The following KIF16B variants were observed in gnomAD, a reference collection of about 807,000 sequenced individuals.
KIF16B encodes the protein kinesin-like protein KIF16B.
A neutral mutation model predicts 156.3 loss-of-function variants in KIF16B; 98 were observed. That is an observed-to-expected ratio of 0.63 (90% confidence interval 0.53 to 0.74). The LOEUF is 0.74. KIF16B is among the 30% of genes least tolerant of loss of function. KIF16B has a pLI of 0.00. For missense variants in KIF16B, 1,421 were observed against 1,606.5 expected (o/e 0.88, Z 1.97); for synonymous variants, 564 against 583.7 (o/e 0.97, Z 0.49).
chr20:16,424,087 C>A (rs559700187), intron 15 of KIF16B, among the ~76,000 whole-genome samples: 30 of 152,214 alleles, frequency 2.0e-4, no homozygotes, highest in Non-Finnish European at 3.2e-4. Flanking sequence ...CCTTGTCCCA[C>A]TGCAAAAAAG....
At chr20:16,573,193 G>C in intron 1 of KIF16B, 36 bp downstream of exon 1, 2 of 1,543,086 alleles carry the variant, frequency 1.3e-6, no homozygotes, top group Non-Finnish European at 1.8e-6. Flanking sequence ...GGGTGGGGGC[G>C]CGACGAGGGG....
At chr20:16,526,009 G>C in intron 3 of KIF16B, 83 bp downstream of exon 3, 2 of 750,684 alleles carry the variant, frequency 2.7e-6, no homozygotes, top group Non-Finnish European at 2.1e-6. Flanking sequence ...AAATTGGCAA[G>C]ATATTTTAAA....
intron 21 of KIF16B, 31 bp downstream of exon 21, chr20:16,371,634 T>C (rs758375957): frequency 7.6e-7 from 1 of 1,323,746 alleles, no homozygotes; most frequent in African/African-American, 1.5e-5. Flanking sequence ...ACGAACTTGT[T>C]ACTTCGTGTT....
intron 23 of KIF16B, among the ~76,000 whole-genome samples, chr20:16,348,173 A>G (rs1248466900): frequency 1.3e-5 from 2 of 152,240 alleles, no homozygotes; most frequent in Non-Finnish European, 2.9e-5. Flanking sequence ...ATAACAGTAG[A>G]TTTTGAAAAC....
At chr20:16,494,444 A>G in intron 11 of KIF16B, 94 bp from the exon 12 acceptor site, 1 of 744,304 alleles carries the variant, frequency 1.3e-6, no homozygotes, top group Non-Finnish European at 2.2e-6. Flanking sequence ...GGAAAGATGT[A>G]CTATAATTTT....
At chr20:16,298,613 G>A (rs1410937828) in intron 25 of KIF16B, among the ~76,000 whole-genome samples, 3 of 152,108 alleles carry the variant, frequency 2.0e-5, no homozygotes, top group Admixed American at 6.5e-5. Context: ...GAGCATGAAC[G>A]GTGACTGTCA....
intron 22 of KIF16B, among the ~76,000 whole-genome samples, chr20:16,359,474 T>C (rs769119002): frequency 2.6e-5 from 4 of 152,180 alleles, no homozygotes; most frequent in Non-Finnish European, 5.9e-5. Context: ...CTACACAGCC[T>C]GCAGAACCAT....
chr20:16,547,737 T>C (rs560346092), intron 1 of KIF16B, among the ~76,000 whole-genome samples: 1 of 152,246 alleles, frequency 6.6e-6, no homozygotes, highest in African/African-American at 2.4e-5. Flanking sequence ...TCTAAACACA[T>C]GCATTATTTT....
At chr20:16,277,798 C>T (rs1232874692) in intron 25 of KIF16B, among the ~76,000 whole-genome samples, 3 of 152,114 alleles carry the variant, frequency 2.0e-5, no homozygotes, top group Admixed American at 6.5e-5. Context: ...TTGTGAAATC[C>T]AATATCCAAT....
At position 16,553,870 on chromosome 20, in the gene KIF16B, G is replaced by A. The variant is rs1162175322; in HGVS notation, c.47+19359C>T. Among the ~76,000 whole-genome samples, 6 of 152,252 alleles carry A rather than the reference G, an allele frequency of 3.9e-5. No individual in the cohort carries two copies. In the East Asian group the frequency reaches 9.7e-4, roughly 25 times the overall value. Reference sequence around the variant, plus strand: ...CAGGAGCAGACAGGAGCCCAAAGCAGGAAGGAGTCCTGCACTGTCGCAGCC... The same window carrying A: ...CAGGAGCAGACAGGAGCCCAAAGCAAGAAGGAGTCCTGCACTGTCGCAGCC... On this transcript the variant is annotated intron_variant, in intron 1 of 25. Coordinates refer to ENST00000354981, the MANE Select transcript of KIF16B (RefSeq NM_024704.5).
chr20:16,417,842 A>G (rs2066128352), intron 15 of KIF16B, among the ~76,000 whole-genome samples: 1 of 152,162 alleles, frequency 6.6e-6, no homozygotes, highest in East Asian at 1.9e-4. Context: ...AGAAAAAAGA[A>G]TTTATCAAAA....
chr20:16,398,258 A>G (rs530990283), intron 17 of KIF16B, among the ~76,000 whole-genome samples: 8 of 152,362 alleles, frequency 5.3e-5, no homozygotes, highest in Non-Finnish European at 1.2e-4. Flanking sequence ...GGTGTGACCC[A>G]TGTAAATCAC....
chr20:16,539,714 T>C (rs12480324), intron 1 of KIF16B, among the ~76,000 whole-genome samples: 26,178 of 152,220 alleles, frequency 0.17, 2,438 homozygotes, highest in South Asian at 0.22. Flanking sequence ...TTCTTATAAA[T>C]TACCCAGTCT....
At chr20:16,382,623 C>A (rs2065124662) in intron 17 of KIF16B, among the ~76,000 whole-genome samples, 1 of 152,156 alleles carries the variant, frequency 6.6e-6, no homozygotes, top group Admixed American at 6.5e-5. Flanking sequence ...AAGCTGATTT[C>A]TTATCAAATA....
chr20:16,334,022 T>C (rs1263717235), intron 24 of KIF16B, among the ~76,000 whole-genome samples: 1 of 152,240 alleles, frequency 6.6e-6, no homozygotes, highest in African/African-American at 2.4e-5. Context: ...TTAAGATATA[T>C]AGAAGAAGAA....
chr20:16,558,724 C>T, intron 1 of KIF16B, among the ~76,000 whole-genome samples: 1 of 152,002 alleles, frequency 6.6e-6, no homozygotes, highest in Non-Finnish European at 1.5e-5. Context: ...GCCAACATGG[C>T]AAAACCCTGT....
chr20:16,541,918 G>A (rs922573967), intron 1 of KIF16B, among the ~76,000 whole-genome samples: 4 of 152,222 alleles, frequency 2.6e-5, no homozygotes, highest in African/African-American at 2.4e-5. Flanking sequence ...TGTGGGCTGC[G>A]GTGGAAAGAG....
rs2065015555 is a variant in KIF16B at position 16,378,843 on chromosome 20, CAGGCTAGCCTGG to C, written c.3147_3158del (p.Gln1050_Leu1053del). ...TCTCCAGGGCTTCCTGCTCAGCCTC[CAGGCTAGCCTGG>C]AGCCCTGACTGCTCTCTGCTGCCAC... On this transcript the variant is annotated inframe_deletion, in exon 19 of 26. Transcript: ENST00000354981. The C allele has an allele frequency of 6.2e-7, 1 of 1,613,280 alleles. No homozygotes were observed. Among genetic ancestry groups the C allele is most frequent in the Admixed American group, 1.7e-5 (1 of 59,924 alleles).
chr20:16,566,324 A>G (rs1006747410), intron 1 of KIF16B, among the ~76,000 whole-genome samples: 5 of 152,220 alleles, frequency 3.3e-5, no homozygotes, highest in Non-Finnish European at 5.9e-5. Context: ...GAGTGGTGGC[A>G]GGAAAGTCAG....
Sources: allele counts gnomAD v4.1 joint callset (sites outside exome capture counted in the v4.1 genomes callset), GRCh38; gene constraint gnomAD v4.1.1; transcripts MANE v1.5; gene names NCBI Gene and HGNC (gene_info 2026-07-23, HGNC 2026-07-21).